NECTIN1: variants seen among roughly 807,000 people sequenced by gnomAD.
The protein encoded by NECTIN1 is nectin cell adhesion molecule 1.
NECTIN1 carries 23 observed loss-of-function variants against 48.0 expected under a neutral mutation model. The observed-to-expected ratio is 0.48, with a 90% CI of 0.34 to 0.68. The LOEUF (loss-of-function observed/expected upper bound fraction) is 0.68, where lower values mean the gene tolerates loss of function less well. Among genes scored for constraint, NECTIN1 ranks in the 30% least tolerant of loss-of-function variants. The pLI, the probability that NECTIN1 is intolerant of heterozygous loss-of-function variation, is 0.01. For synonymous variants in NECTIN1, 270 were observed against 288.9 expected (o/e 0.93, Z 0.66); for missense variants, 591 against 709.9 (o/e 0.83, Z 1.90).
intron 1 of NECTIN1, among the ~76,000 whole-genome samples, chr11:119,686,702 G>A (rs1015779509): frequency 6.6e-6 from 1 of 152,132 alleles, no homozygotes; most frequent in Non-Finnish European, 1.5e-5. Context: ...CCACTCCCCC[G>A]TTACCTGCGC....
At chr11:119,726,886 TA>T (rs1771876995) in intron 1 of NECTIN1, among the ~76,000 whole-genome samples, 1 of 152,124 alleles carries the variant, frequency 6.6e-6, no homozygotes. Context: ...AGGCAAGTCC[TA>T]GAGCCCGAAC....
Position 119,664,162 on chromosome 11 carries a change from TC to T in NECTIN1, c.*584del. 1.0e-6 allele frequency: 1 copy of T among 986,194 alleles called. No individual in the cohort carries two copies. Among genetic ancestry groups the T allele is most frequent in the Non-Finnish European group, 1.2e-6 (1 of 830,326 alleles). The allele number at this position is 986,194 out of a possible 1,614,324, so 61.1% of individuals were successfully genotyped here. A position where few individuals can be genotyped will look rare whatever the true frequency, so the allele number is the denominator to read the frequency against. On this transcript the variant is annotated 3_prime_UTR_variant, in exon 6 of 6. Transcript: ENST00000264025. ...CAAGGCCCCGCTTAACAAACAAGAC[TC>T]CCTGGGAACTGGGGAGAAGCCGCAC...
intron 1 of NECTIN1, among the ~76,000 whole-genome samples, chr11:119,720,458 A>G (rs1379618021): frequency 6.6e-6 from 1 of 152,234 alleles, no homozygotes; most frequent in Non-Finnish European, 1.5e-5. Flanking sequence ...TGGCGCTCCC[A>G]TCTCCACTGA....
At chr11:119,647,647 G>C (rs1864415768) in intron 5 of NECTIN1, among the ~76,000 whole-genome samples, 1 of 152,100 alleles carries the variant, frequency 6.6e-6, no homozygotes, top group South Asian at 2.1e-4. Context: ...CCTTAATGGA[G>C]GGGGTGGCGG....
intron 5 of NECTIN1, among the ~76,000 whole-genome samples, chr11:119,648,322 A>ATGGTGGTGGTGGTGG (rs1298252121): frequency 4.7e-4 from 2 of 4,260 alleles, no homozygotes; most frequent in African/African-American, 1.8e-3. Flanking sequence ...GGTGATGGTG[A>ATGGTGGTGGTGGTGG]TGGTGGTGAT....
intron 1 of NECTIN1, among the ~76,000 whole-genome samples, chr11:119,726,784 C>T (rs906875842): frequency 1.3e-5 from 2 of 152,186 alleles, no homozygotes; most frequent in Admixed American, 6.5e-5. Flanking sequence ...TGTGCTGGAC[C>T]AACCAGAGCT....
chr11:119,654,086 G>A (rs550810379), intron 5 of NECTIN1: 8 of 152,308 alleles, frequency 5.3e-5, no homozygotes, highest in Non-Finnish European at 7.3e-5. Flanking sequence ...GAATGCCACC[G>A]GCTGAAATGC....
chr11:119,726,234 T>TG (rs1865905310), intron 1 of NECTIN1, among the ~76,000 whole-genome samples: 1 of 152,054 alleles, frequency 6.6e-6, no homozygotes, highest in South Asian at 2.1e-4. Context: ...TAGCGGGCAA[T>TG]GGGGAGGAAG....
At chr11:119,667,579 G>T (rs1183577857) in intron 5 of NECTIN1, among the ~76,000 whole-genome samples, 1 of 152,198 alleles carries the variant, frequency 6.6e-6, no homozygotes, top group Non-Finnish European at 1.5e-5. Flanking sequence ...GGATAAGGAA[G>T]CATCCAGATG....
rs909651623 is a variant in NECTIN1, at chr11:119,727,853, G to A, written c.79+622C>T. On this transcript the variant is annotated intron_variant, in intron 1 of 5. Coordinates refer to ENST00000264025, the MANE Select transcript of NECTIN1 (RefSeq NM_002855.5). This position sits in a 1 kb window ranked among gnomAD's most constrained non-coding sequence, Gnocchi z 4.1. The stretch of plus-strand genomic sequence containing the variant: ...GAGTTCCGAGGGGGAGCCCGGTCCC[G>A]CGCCAGGCCGGGAGGAGGCTGCCCC... 2.0e-5 allele frequency among the ~76,000 whole-genome samples: 3 copies of A among 152,206 alleles called. No individual in the cohort carries two copies. The highest frequency in any genetic ancestry group is 7.2e-5 in the African/African-American group (3 of 41,452).
chr11:119,691,071 A>G (rs1040779543), intron 1 of NECTIN1, among the ~76,000 whole-genome samples: 5 of 152,174 alleles, frequency 3.3e-5, no homozygotes, highest in African/African-American at 7.2e-5. Context: ...CCCCAACTCA[A>G]TGTGCTTGCC....
At position 119,709,619 on chromosome 11, in the gene NECTIN1, C is replaced by T. The variant is rs764563368; in HGVS notation, c.79+18856G>A. ...TGGAAGCAGGGAGGGAGGGGAGCCCCGTGTGGGAAGCCTGAAAGGAGCCTG... is the reference window on the plus strand; with the variant it reads ...TGGAAGCAGGGAGGGAGGGGAGCCCTGTGTGGGAAGCCTGAAAGGAGCCTG... On this transcript the variant is annotated intron_variant, in intron 1 of 5. Coordinates refer to ENST00000264025, the MANE Select transcript of NECTIN1 (RefSeq NM_002855.5). This position sits in a 1 kb window ranked among gnomAD's most constrained non-coding sequence, Gnocchi z 4.1. 5.7e-4 allele frequency among the ~76,000 whole-genome samples: 85 copies of T among 150,352 alleles called. No individual in the cohort carries two copies. The highest frequency in any genetic ancestry group is 9.7e-4 in the Non-Finnish European group (66 of 67,708).
chr11:119,647,965 G>A (rs571879159), intron 5 of NECTIN1, among the ~76,000 whole-genome samples: 100 of 145,294 alleles, frequency 6.9e-4, no homozygotes, highest in Middle Eastern at 3.8e-3. Context: ...TCAGGAGGCC[G>A]AGACAAGAGA....
intron 5 of NECTIN1, among the ~76,000 whole-genome samples, chr11:119,652,558 A>G (rs1379666470): frequency 1.3e-5 from 2 of 152,238 alleles, no homozygotes; most frequent in Admixed American, 6.5e-5. Flanking sequence ...TCAAAATCCT[A>G]CATCTCTGAT....
chr11:119,683,996 C>T lies in NECTIN1; in HGVS notation c.80-5231G>A, dbSNP rs1865109885. On this transcript the variant is annotated intron_variant, in intron 1 of 5. Transcript: ENST00000264025. The surrounding 1 kb of genome is among the most constrained non-coding windows in gnomAD (Gnocchi z 4.0). The stretch of plus-strand genomic sequence containing the variant: ...TCAGCAACAAAACACAAAGACTCCT[C>T]AGTTGTGGCGGACAAACCTGCTCCC... Among the ~76,000 whole-genome samples, 1 of 152,208 alleles carries T rather than the reference C, an allele frequency of 6.6e-6. No individual in the cohort carries two copies. Among genetic ancestry groups the T allele is most frequent in the African/African-American group, 2.4e-5 (1 of 41,462 alleles).
downstream of NECTIN1, among the ~76,000 whole-genome samples, chr11:119,657,612 T>A (rs1591443777): frequency 5.0e-5 from 1 of 19,858 alleles, no homozygotes; most frequent in Admixed American, 9.2e-4. Context: ...AGACTTTGTC[T>A]TTAAAAAAAA....
chr11:119,692,823 C>T (rs1277171578), intron 1 of NECTIN1, among the ~76,000 whole-genome samples: 3 of 152,200 alleles, frequency 2.0e-5, no homozygotes, highest in Admixed American at 1.3e-4. Context: ...CCACAGGTGA[C>T]GTTCTTCACC....
chr11:119,638,955 G>A lies in NECTIN1; in HGVS notation c.1152-149C>T. ...CCAGGCAGCCTCCTGAGAGGCCAGAGCTTGGGCTGGGGCTCCTCAGGGGTC... is the reference window on the plus strand; with the variant it reads ...CCAGGCAGCCTCCTGAGAGGCCAGAACTTGGGCTGGGGCTCCTCAGGGGTC... On this transcript the variant is annotated intron_variant, in intron 6 of 7. Transcript: ENST00000341398. 4.5e-6 allele frequency: 3 copies of A among 662,176 alleles called. No homozygotes were observed. The South Asian group carries it at 4.8e-5, about 11-fold the overall frequency. 41.0% of individuals were successfully genotyped at this position (662,176 alleles called of 1,614,324 possible). A position where few individuals can be genotyped will look rare whatever the true frequency, so the allele number is the denominator to read the frequency against.
intron 1 of NECTIN1, among the ~76,000 whole-genome samples, chr11:119,728,263 A>T (rs1167874517): frequency 1.3e-5 from 2 of 152,258 alleles, no homozygotes; most frequent in Non-Finnish European, 2.9e-5. Flanking sequence ...TGCTACATAG[A>T]GACGTGCATC....
Sources: allele counts gnomAD v4.1 joint callset (sites outside exome capture counted in the v4.1 genomes callset), GRCh38; gene constraint gnomAD v4.1.1; non-coding constraint Gnocchi (gnomAD v3.1); transcripts MANE v1.5; gene names NCBI Gene and HGNC (gene_info 2026-07-23, HGNC 2026-07-21).